Variants in SH3GL2 observed in about 807,000 individuals in gnomAD.
SH3GL2 encodes the protein endophilin-A1.
SH3GL2 carries 24 observed loss-of-function variants against 46.0 expected under a neutral mutation model. The ratio of observed to expected loss-of-function variants is 0.52; its 90% confidence interval spans 0.38 to 0.73. The LOEUF is 0.73. SH3GL2 is among the 30% of genes least tolerant of loss of function. The pLI, the probability that SH3GL2 is intolerant of heterozygous loss-of-function variation, is 0.00. For missense variants in SH3GL2, 413 were observed against 424.2 expected (o/e 0.97, Z 0.23); for synonymous variants, 196 against 147.1 (o/e 1.33, Z -2.40).
At chr9:17,781,813 C>T (rs1588331231) in intron 3 of SH3GL2, among the ~76,000 whole-genome samples, 1 of 152,076 alleles carries the variant, frequency 6.6e-6, no homozygotes, top group Admixed American at 6.5e-5. Flanking sequence ...TTTCAGAAAG[C>T]CCAGCTCGAG....
chr9:17,654,951 T>G (rs2134673400), intron 1 of SH3GL2, among the ~76,000 whole-genome samples: 1 of 152,118 alleles, frequency 6.6e-6, no homozygotes, highest in Middle Eastern at 3.4e-3. Flanking sequence ...AGCTGTGCAG[T>G]GAGATTAAAT....
intron 1 of SH3GL2, among the ~76,000 whole-genome samples, chr9:17,650,966 C>G (rs570519231): frequency 6.6e-6 from 1 of 151,664 alleles, no homozygotes; most frequent in South Asian, 2.1e-4. Flanking sequence ...GACCTTTTCT[C>G]TGTTTCTCCC....
chr9:17,581,673 A>G (rs1818279277), intron 1 of SH3GL2, among the ~76,000 whole-genome samples: 1 of 152,056 alleles, frequency 6.6e-6, no homozygotes, highest in African/African-American at 2.4e-5. Flanking sequence ...GTGCTGGATA[A>G]TATAGCCTGG....
intron 1 of SH3GL2, among the ~76,000 whole-genome samples, chr9:17,638,068 A>G (rs1283414220): frequency 2.6e-5 from 4 of 151,988 alleles, no homozygotes; most frequent in Admixed American, 2.0e-4. Flanking sequence ...GAGGCAGGAG[A>G]ATGGCATGAA....
intron 1 of SH3GL2, among the ~76,000 whole-genome samples, chr9:17,651,465 T>A (rs1819958246): frequency 6.6e-6 from 1 of 152,248 alleles, no homozygotes; most frequent in Admixed American, 6.5e-5. Context: ...TTTGTTGCTC[T>A]TATAATTAAT....
chr9:17,651,722 T>C (rs1819963936), intron 1 of SH3GL2, among the ~76,000 whole-genome samples: 1 of 152,214 alleles, frequency 6.6e-6, no homozygotes, highest in Non-Finnish European at 1.5e-5. Flanking sequence ...GATGACATTT[T>C]TTTCCTTTTA....
At chr9:17,610,826 A>G (rs1818848638) in intron 1 of SH3GL2, among the ~76,000 whole-genome samples, 1 of 152,144 alleles carries the variant, frequency 6.6e-6, no homozygotes, top group Non-Finnish European at 1.5e-5. Context: ...GCCCCCTCAA[A>G]ATGAGAGTTG....
At chr9:17,769,203 A>G (rs764263457) in intron 3 of SH3GL2, among the ~76,000 whole-genome samples, 6 of 152,192 alleles carry the variant, frequency 3.9e-5, no homozygotes, top group Non-Finnish European at 8.8e-5. Context: ...GCACCACTTC[A>G]GATGTACATT....
chr9:17,706,233 G>A (rs551728722), intron 1 of SH3GL2, among the ~76,000 whole-genome samples: 1 of 152,192 alleles, frequency 6.6e-6, no homozygotes, highest in East Asian at 1.9e-4. Flanking sequence ...TGATCCCAGT[G>A]CCTTTTTCCT....
In SH3GL2 at chr9:17,636,772, A is replaced by G. The variant is rs559187422; in HGVS notation, c.45+57485A>G. Among the ~76,000 whole-genome samples the G allele has an allele frequency of 7.9e-5, 12 of 152,306 alleles. No individual in the cohort carries two copies. In the East Asian group the frequency reaches 1.9e-3, roughly 25 times the overall value. On this transcript the variant is annotated intron_variant, in intron 1 of 8. Coordinates refer to ENST00000380607, the MANE Select transcript of SH3GL2 (RefSeq NM_003026.5). ...TGTCCACTGTACGTACTACTTACCT[A>G]GTCCTTGGTTTAGTCTTTAATGCCC...
intron 1 of SH3GL2, among the ~76,000 whole-genome samples, chr9:17,740,230 A>C (rs1822486002): frequency 6.6e-6 from 1 of 152,134 alleles, no homozygotes; most frequent in African/African-American, 2.4e-5. Context: ...AAATAAATAT[A>C]TATTTTTTGA....
chr9:17,585,479 A>G (rs572289438), intron 1 of SH3GL2, among the ~76,000 whole-genome samples: 24 of 152,310 alleles, frequency 1.6e-4, no homozygotes, highest in African/African-American at 4.8e-4. Context: ...ACAAGAGGGG[A>G]CATAGGAGAG....
chr9:17,684,431 A>G (rs1820852618), intron 1 of SH3GL2, among the ~76,000 whole-genome samples: 1 of 152,108 alleles, frequency 6.6e-6, no homozygotes, highest in Non-Finnish European at 1.5e-5. Flanking sequence ...CAAAAGACCC[A>G]AAAATGTTAG....
At chr9:17,636,165 G>C (rs930036783) in intron 1 of SH3GL2, among the ~76,000 whole-genome samples, 1 of 152,182 alleles carries the variant, frequency 6.6e-6, no homozygotes, top group Non-Finnish European at 1.5e-5. Context: ...AGTTTAAAAA[G>C]AGTTACTTAA....
At chr9:17,687,724 C>T (rs1168720758) in intron 1 of SH3GL2, among the ~76,000 whole-genome samples, 2 of 151,830 alleles carry the variant, frequency 1.3e-5, no homozygotes, top group Non-Finnish European at 1.5e-5. Context: ...TGTCTTTGCC[C>T]CCCGAAAACA....
rs147726149 is a variant in SH3GL2 at position 17,700,197 on chromosome 9, C to CT, written c.46-46868dup. The stretch of plus-strand genomic sequence containing the variant: ...TTATTATTTTTCTTGTTTCCCCTCT[C>CT]TAAGTTGGTGTTGAATTGGTCATGT... On this transcript the variant is annotated intron_variant, in intron 1 of 8. Coordinates refer to ENST00000380607, the MANE Select transcript of SH3GL2 (RefSeq NM_003026.5). 5.6e-3 allele frequency among the ~76,000 whole-genome samples: 856 copies of CT among 152,268 alleles called. 7 individuals carry two copies. The highest frequency in any genetic ancestry group is 0.02 in the African/African-American group (821 of 41,542).
intron 7 of SH3GL2, among the ~76,000 whole-genome samples, chr9:17,793,041 T>G (rs1824179245): frequency 6.6e-6 from 1 of 152,240 alleles, no homozygotes; most frequent in African/African-American, 2.4e-5. Flanking sequence ...TTATCCTTTG[T>G]GTACAAGAAC....
chr9:17,791,323 A>T lies in SH3GL2; in HGVS notation c.717A>T (p.Arg239Ser). The change falls in exon 7 of 9, where the codon AGA becomes AGT. Residue 239 changes from arginine (R) to serine (S), a missense_variant. By Grantham distance (110) the Arg-to-Ser change is moderately radical. Coordinates refer to ENST00000380607, the MANE Select transcript of SH3GL2 (RefSeq NM_003026.5). ...AGATCCTGCAGCAAGTCACGGTCAG[A>T]CTGGAAGAAAGGTATTCTACAGTTC... ...AVQILQQVTVRLEERIRQASS... is the reference protein window; with the variant it reads ...AVQILQQVTVSLEERIRQASS... 6.2e-7 allele frequency: 1 copy of T among 1,607,320 alleles called. No homozygotes were observed. Among genetic ancestry groups the T allele is most frequent in the African/African-American group, 1.3e-5 (1 of 74,930 alleles).
At chr9:17,679,408 T>C (rs1267208983) in intron 1 of SH3GL2, among the ~76,000 whole-genome samples, 1 of 152,142 alleles carries the variant, frequency 6.6e-6, no homozygotes, top group Admixed American at 6.5e-5. Context: ...TGAATGGGAG[T>C]TCACTCATGA....
Sources: gnomAD v4.1 joint callset for allele counts (sites outside exome capture counted in the v4.1 genomes callset) on GRCh38, gnomAD v4.1.1 for gene constraint, MANE v1.5 for transcripts, NCBI Gene and HGNC (gene_info 2026-07-23, HGNC 2026-07-21) for gene names.